Variants in NPAS2 observed in about 807,000 individuals in gnomAD.
NPAS2 encodes the protein neuronal PAS domain protein 2.
NPAS2 carries 23 observed loss-of-function variants against 107.5 expected under a neutral mutation model. That is an observed-to-expected ratio of 0.21 (90% CI 0.15 to 0.30). The LOEUF (loss-of-function observed/expected upper bound fraction) is 0.30, where lower values mean the gene tolerates loss of function less well. Among genes scored for constraint, NPAS2 ranks in the 10% least tolerant of loss-of-function variants. NPAS2 has a pLI of 1.00. For missense variants in NPAS2, 756 were observed against 1,043.3 expected, an observed-to-expected ratio of 0.72 and a Z score of 3.79; for synonymous variants, 403 against 417.5, an observed-to-expected ratio of 0.97 and a Z score of 0.42.
At chr2:100,957,799 G>T (rs1675663532) in intron 7 of NPAS2, among the ~76,000 whole-genome samples, 1 of 152,226 alleles carries the variant, frequency 6.6e-6, no homozygotes, top group African/African-American at 2.4e-5. Flanking sequence ...GCGATGGCAG[G>T]TGCCTGTAGT....
At chr2:100,901,973 G>A (rs965842443) in intron 1 of NPAS2, among the ~76,000 whole-genome samples, 1 of 151,972 alleles carries the variant, frequency 6.6e-6, no homozygotes, top group African/African-American at 2.4e-5. Flanking sequence ...TCACTCTGGG[G>A]GTTCATCACC....
chr2:100,910,656 G>A (rs1682487674), intron 2 of NPAS2, among the ~76,000 whole-genome samples: 1 of 151,864 alleles, frequency 6.6e-6, no homozygotes, highest in Admixed American at 6.6e-5. Flanking sequence ...AGCCTCCCAA[G>A]TAGCTGGGAT....
At chr2:100,948,097 G>A in intron 5 of NPAS2, 138 bp from the exon 6 acceptor site, 1 of 892,362 alleles carries the variant, frequency 1.1e-6, no homozygotes, top group Non-Finnish European at 1.7e-6. Flanking sequence ...TAAACTGAGA[G>A]TGTCCACAGA....
intron 1 of NPAS2, among the ~76,000 whole-genome samples, chr2:100,821,352 A>G (rs986770067): frequency 5.9e-5 from 9 of 152,110 alleles, no homozygotes; most frequent in Non-Finnish European, 1.2e-4. Context: ...ACGGAAAGTT[A>G]GAAGCCCTGG....
At chr2:100,935,305 T>G (rs1684227189) in intron 4 of NPAS2, among the ~76,000 whole-genome samples, 1 of 152,210 alleles carries the variant, frequency 6.6e-6, no homozygotes, top group Admixed American at 6.5e-5. Context: ...ACAAGAAATG[T>G]TCCATCTGAT....
intron 15 of NPAS2, among the ~76,000 whole-genome samples, chr2:100,978,839 AG>A (rs1406870205): frequency 6.6e-6 from 1 of 152,302 alleles, no homozygotes; most frequent in Non-Finnish European, 1.5e-5. Context: ...AAAGGTGGGT[AG>A]GAGGTTGCCA....
intron 1 of NPAS2, among the ~76,000 whole-genome samples, chr2:100,893,661 A>G (rs1681227447): frequency 6.6e-6 from 1 of 152,220 alleles, no homozygotes; most frequent in Non-Finnish European, 1.5e-5. Flanking sequence ...CTGAAGAGGA[A>G]AGTTTAGTCA....
At chr2:100,883,945 T>C (rs1193378984) in intron 1 of NPAS2, among the ~76,000 whole-genome samples, 1 of 152,096 alleles carries the variant, frequency 6.6e-6, no homozygotes, top group Non-Finnish European at 1.5e-5. Flanking sequence ...GTTTCACCCC[T>C]GGAGAGGGCC....
intron 4 of NPAS2, among the ~76,000 whole-genome samples, chr2:100,935,935 T>G (rs1475784223): frequency 2.0e-5 from 3 of 152,202 alleles, no homozygotes; most frequent in African/African-American, 7.2e-5. Flanking sequence ...GTGGGGACTC[T>G]CCTGCATATT....
At chr2:100,936,758 A>G (rs900093836) in intron 4 of NPAS2, among the ~76,000 whole-genome samples, 2 of 151,662 alleles carry the variant, frequency 1.3e-5, no homozygotes, top group Non-Finnish European at 2.9e-5. Context: ...AGGCAGATGG[A>G]TCACTTGAGG....
At chr2:100,964,011 C>A in intron 7 of NPAS2, 47 bp from the exon 8 acceptor site, 1 of 1,263,912 alleles carries the variant, frequency 7.9e-7, no homozygotes, top group Non-Finnish European at 1.2e-6. Flanking sequence ...TGGCTGCTGT[C>A]ACCAGACAGG....
At position 100,925,229 on chromosome 2, in the gene NPAS2, A is replaced by T. The variant is rs1315453575; in HGVS notation, c.116A>T (p.Asn39Ile). 1.2e-6 allele frequency: 2 copies of T among 1,614,164 alleles called. No individual in the cohort carries two copies. The highest frequency in any genetic ancestry group is 2.2e-5 in the South Asian group (2 of 91,082). ...GAGCTCAGTTCCATGCTCCCTGGCA[A>T]CACGCGGAAAATGGACAAAACCACC... ...IKELSSMLPG[N>I]TRKMDKTTVL... Residue 39 changes from asparagine (N) to isoleucine (I), a missense_variant, in exon 3 of 21, where the codon AAC becomes ATC. By Grantham distance (149) the Asn-to-Ile change is moderately radical. Transcript: ENST00000335681.
intron 1 of NPAS2, among the ~76,000 whole-genome samples, chr2:100,865,523 G>A (rs1378807780): frequency 6.6e-6 from 1 of 152,130 alleles, no homozygotes. Context: ...TACTTTGTAG[G>A]ACACCTTTGC....
chr2:100,881,703 T>C (rs1573535512), intron 1 of NPAS2, among the ~76,000 whole-genome samples: 1 of 150,766 alleles, frequency 6.6e-6, no homozygotes, highest in Non-Finnish European at 1.5e-5. Context: ...AAAAAAGTGC[T>C]GCTGTCGATC....
intron 5 of NPAS2, among the ~76,000 whole-genome samples, chr2:100,946,454 A>C (rs562780395): frequency 2.6e-5 from 4 of 152,182 alleles, no homozygotes; most frequent in African/African-American, 9.7e-5. Flanking sequence ...AGGGTGCAGC[A>C]TGTTCCTGCC....
At chr2:100,929,276 A>G (rs1215802170) in intron 3 of NPAS2, among the ~76,000 whole-genome samples, 1 of 152,178 alleles carries the variant, frequency 6.6e-6, no homozygotes, top group African/African-American at 2.4e-5. Flanking sequence ...TCCAAGTCAG[A>G]CAGCCAGGAA....
chr2:100,979,006 A>C (rs1240752946), intron 15 of NPAS2, among the ~76,000 whole-genome samples: 2 of 152,218 alleles, frequency 1.3e-5, no homozygotes, highest in African/African-American at 4.8e-5. Flanking sequence ...GCTGCGTCCC[A>C]GACGGCAGTT....
intron 1 of NPAS2, among the ~76,000 whole-genome samples, chr2:100,853,140 T>TAA (rs1312076675): frequency 3.9e-5 from 6 of 152,198 alleles, no homozygotes; most frequent in Non-Finnish European, 8.8e-5. Flanking sequence ...CTATCCATTG[T>TAA]GACTACAGTG....
chr2:100,881,325 C>T (rs943782755), intron 1 of NPAS2, among the ~76,000 whole-genome samples: 2 of 152,234 alleles, frequency 1.3e-5, no homozygotes, highest in Middle Eastern at 3.2e-3. Flanking sequence ...CCCTCCCCAC[C>T]CCCGCCCAGT....
Sources: allele counts gnomAD v4.1 joint callset (sites outside exome capture counted in the v4.1 genomes callset), GRCh38; gene constraint gnomAD v4.1.1; transcripts MANE v1.5; gene names NCBI Gene and HGNC (gene_info 2026-07-23, HGNC 2026-07-21).